LYPLA1: variants seen among roughly 807,000 people sequenced by gnomAD.
LYPLA1 encodes acyl-protein thioesterase 1.
LYPLA1 carries 17 observed loss-of-function variants against 34.0 expected under a neutral mutation model. The observed-to-expected ratio is 0.50, with a 90% CI of 0.34 to 0.75. The LOEUF is 0.75. Ranked by LOEUF, LYPLA1 falls within the 30% of genes least tolerant of loss-of-function variation. The probability of loss-of-function intolerance (pLI) is 0.01; values close to 1 mark genes in which losing one functional copy is unlikely to be tolerated. For missense variants in LYPLA1, 203 were observed against 288.8 expected (o/e 0.70, Z 2.15); for synonymous variants, 98 against 100.8 (o/e 0.97, Z 0.17).
intron 2 of LYPLA1, chr8:54,100,091 T>A (rs1055968623): frequency 2.0e-5 from 3 of 152,172 alleles, no homozygotes; most frequent in African/African-American, 7.2e-5. Context: ...ACATTCATAT[T>A]TTGCTTAAGT....
chr8:54,089,012 G>A (rs1809002757), intron 2 of LYPLA1, among the ~76,000 whole-genome samples: 1 of 152,206 alleles, frequency 6.6e-6, no homozygotes, highest in Admixed American at 6.5e-5. Context: ...TTTCTACGCA[G>A]AATAAGCAAA....
chr8:54,064,995 T>C (rs575863982), intron 3 of LYPLA1, among the ~76,000 whole-genome samples: 1 of 152,336 alleles, frequency 6.6e-6, no homozygotes, highest in African/African-American at 2.4e-5. Flanking sequence ...CTTCTAAGTT[T>C]GCTCAAAACT....
At chr8:54,079,152 G>A (rs374940991) in intron 2 of LYPLA1, among the ~76,000 whole-genome samples, 1 of 151,886 alleles carries the variant, frequency 6.6e-6, no homozygotes. Flanking sequence ...AATTTTTCTT[G>A]TATTTTCAAC....
In LYPLA1 at chr8:54,048,187, G is replaced by A. The variant is rs569675062; in HGVS notation, c.640-69C>T. On this transcript the variant is annotated intron_variant, in intron 8 of 8. Transcript: ENST00000316963. ...TCAGAAATTAAATTCCCACTAAAAT[G>A]CCACTAATCAAATCTATGGTATGCA... The A allele has an allele frequency of 1.2e-4, 116 of 934,366 alleles. No individual in the cohort carries two copies. In the East Asian group the frequency reaches 2.6e-3, roughly 21 times the overall value. 57.9% of individuals were successfully genotyped at this position (934,366 alleles called of 1,614,324 possible).
At chr8:54,064,295 TA>T (rs1806884429) in intron 3 of LYPLA1, among the ~76,000 whole-genome samples, 25 of 152,088 alleles carry the variant, frequency 1.6e-4, no homozygotes, top group Middle Eastern at 3.4e-3. Flanking sequence ...CAGGCGCCTG[TA>T]ATTCCAGCTA....
Position 54,089,302 on chromosome 8 carries a change from G to C in LYPLA1, c.101+11606C>G, listed in dbSNP as rs533275618. 2.3e-3 allele frequency among the ~76,000 whole-genome samples: 349 copies of C among 151,006 alleles called. 3 individuals are homozygous for C. The highest frequency in any genetic ancestry group is 5.3e-3 in the African/African-American group (221 of 41,484). On this transcript the variant is annotated intron_variant, in intron 2 of 8. Transcript: ENST00000316963. ...CACCATCAAAAAATAGGTGAGTACA[G>C]AACAAGAATATATTTTGAGAGAGAG... is the stretch of plus-strand genomic sequence containing the variant.
At chr8:54,078,443 A>G (rs1427659255) in intron 2 of LYPLA1, among the ~76,000 whole-genome samples, 1 of 152,254 alleles carries the variant, frequency 6.6e-6, no homozygotes, top group Non-Finnish European at 1.5e-5. Context: ...CTACTAAAGT[A>G]TACATGGTCC....
At chr8:54,073,768 CA>C in intron 2 of LYPLA1, among the ~76,000 whole-genome samples, 1 of 152,140 alleles carries the variant, frequency 6.6e-6, no homozygotes, top group Middle Eastern at 3.2e-3. Flanking sequence ...TGCCCTCCCC[CA>C]AAAAACTACT....
intron 2 of LYPLA1, among the ~76,000 whole-genome samples, chr8:54,097,409 G>A (rs1308078770): frequency 1.3e-5 from 2 of 152,114 alleles, no homozygotes; most frequent in African/African-American, 4.8e-5. Flanking sequence ...AAAATCTAGG[G>A]AATTGTTCCA....
At chr8:54,062,513 T>TTATTTATC (rs1186882838) in intron 4 of LYPLA1, among the ~76,000 whole-genome samples, 189 bp from the exon 5 acceptor site, 1 of 151,848 alleles carries the variant, frequency 6.6e-6, no homozygotes, top group East Asian at 1.9e-4. Context: ...ATTTATTTAT[T>TTATTTATC]TATTTATTTA....
chr8:54,086,351 G>A (rs1426025379), intron 2 of LYPLA1, among the ~76,000 whole-genome samples: 2 of 145,408 alleles, frequency 1.4e-5, no homozygotes, highest in Admixed American at 7.2e-5. Context: ...TTTATCTGCT[G>A]ACCTTCCCTC....
chr8:54,063,350 T>C lies in LYPLA1; in HGVS notation c.193A>G (p.Met65Val), dbSNP rs1586101688. 3 of 1,540,860 alleles carry C rather than the reference T, an allele frequency of 1.9e-6. No homozygotes were observed. Among genetic ancestry groups the C allele is most frequent in the East Asian group, 2.4e-5 (1 of 41,226 alleles). The change falls in exon 4 of 9, where the codon ATG (methionine) becomes GTG (valine). Residue 65 changes from methionine to valine, a missense_variant. Met to Val is a conservative substitution (Grantham distance 21, BLOSUM62 1). Around this residue, in one of 3 missense-constraint regions of LYPLA1, gnomAD observed 75 missense variants for 73.5 expected, o/e 1.02. Coordinates refer to ENST00000316963, the MANE Select transcript of LYPLA1 (RefSeq NM_006330.4). ...TACCATGAAGGCATAGCCACGTTCA[T>C]ATTTAATGTAACAGGCCTAACAGGC... Reference protein sequence around the residue: ...HAPVRPVTLNMNVAMPSWFDI... With the variant: ...HAPVRPVTLNVNVAMPSWFDI...
At chr8:54,064,709 T>C (rs2129334773) in intron 3 of LYPLA1, among the ~76,000 whole-genome samples, 1 of 152,340 alleles carries the variant, frequency 6.6e-6, no homozygotes, top group Admixed American at 6.5e-5. Context: ...TCTCCATGGT[T>C]ATTGCTTCTC....
intron 2 of LYPLA1, among the ~76,000 whole-genome samples, chr8:54,086,921 C>T (rs917798212): frequency 3.3e-5 from 5 of 152,094 alleles, no homozygotes; most frequent in African/African-American, 4.8e-5. Context: ...CCAAATCTAT[C>T]GACATATAAT....
intron 2 of LYPLA1, among the ~76,000 whole-genome samples, chr8:54,074,686 C>T (rs1721824205): frequency 2.0e-5 from 3 of 152,222 alleles, no homozygotes; most frequent in African/African-American, 4.8e-5. Context: ...TATTATCCAG[C>T]GATGCCCAAC....
chr8:54,047,778 C>A lies in LYPLA1; in HGVS notation c.*287G>T. The A allele has an allele frequency of 3.5e-6, 1 of 289,274 alleles. No individual in the cohort carries two copies. The highest frequency in any genetic ancestry group is 5.8e-5 in the East Asian group (1 of 17,364). 17.9% of individuals were successfully genotyped at this position (289,274 alleles called of 1,614,324 possible). The stretch of plus-strand genomic sequence containing the variant: ...AATGATGTAATAAAAAATCTGGTGG[C>A]AGTACTGTATTATTTTGCTGAATTA... On this transcript the variant is annotated 3_prime_UTR_variant, in exon 9 of 9. Transcript: ENST00000316963.
At chr8:54,077,307 C>G (rs1289426451) in intron 2 of LYPLA1, among the ~76,000 whole-genome samples, 3 of 152,016 alleles carry the variant, frequency 2.0e-5, no homozygotes, top group Non-Finnish European at 4.4e-5. Context: ...CACATGGATA[C>G]TAGGAGAGGA....
At chr8:54,063,211 T>C in intron 4 of LYPLA1, 117 bp downstream of exon 4, 1 of 633,324 alleles carries the variant, frequency 1.6e-6, no homozygotes, top group Non-Finnish European at 2.7e-6. Context: ...AGAGGTTAAC[T>C]ATGCAACTTT....
At chr8:54,056,935 C>T (rs1586085230) in intron 5 of LYPLA1, among the ~76,000 whole-genome samples, 1 of 151,736 alleles carries the variant, frequency 6.6e-6, no homozygotes, top group Non-Finnish European at 1.5e-5. Context: ...ACAAAAAAAA[C>T]GGGCCAAAGA....
Sources: allele counts gnomAD v4.1 joint callset (sites outside exome capture counted in the v4.1 genomes callset), GRCh38; gene constraint gnomAD v4.1.1; regional missense constraint gnomAD v4.1.1; transcripts MANE v1.5; gene names NCBI Gene and HGNC (gene_info 2026-07-23, HGNC 2026-07-21).